Variants in AOX1 observed in about 807,000 individuals in gnomAD.
AOX1 encodes the protein aldehyde oxidase.
A neutral mutation model predicts 169.5 loss-of-function variants in AOX1; 153 were observed. The ratio of observed to expected loss-of-function variants is 0.90; its 90% CI spans 0.79 to 1.03. AOX1 has a LOEUF of 1.03. Among genes scored for constraint, AOX1 ranks in the 50% least tolerant of loss-of-function variants. The pLI is 0.00. For synonymous variants in AOX1, 562 were observed against 581.9 expected (o/e 0.97, Z 0.49); for missense variants, 1,656 against 1,663.9 (o/e 1.00, Z 0.08).
chr2:200,675,613 A>C (rs938732796), downstream of AOX1, among the ~76,000 whole-genome samples: 2 of 152,222 alleles, frequency 1.3e-5, no homozygotes, highest in East Asian at 3.9e-4. Flanking sequence ...TCAAATGTCC[A>C]AAGGTGAAGT....
At chr2:200,681,073 A>G (rs1046546319), downstream of AOX1, among the ~76,000 whole-genome samples, 1 of 152,186 alleles carries the variant, frequency 6.6e-6, no homozygotes. Context: ...AGAGAACACA[A>G]TAAAAGTAGG....
At chr2:200,679,237 A>C (rs1269685297), downstream of AOX1, 4 of 152,186 alleles carry the variant, frequency 2.6e-5, no homozygotes, top group Non-Finnish European at 5.9e-5. Flanking sequence ...ATCTAAATAC[A>C]TATTTTCTTT....
At chr2:200,663,537 T>TATACACAA (rs2035866906) in intron 31 of AOX1, among the ~76,000 whole-genome samples, 3 of 101,756 alleles carry the variant, frequency 2.9e-5, no homozygotes, top group African/African-American at 1.3e-4. Context: ...TACACACACA[T>TATACACAA]ACACACAAAC....
intron 32 of AOX1, among the ~76,000 whole-genome samples, chr2:200,668,265 C>T (rs1363153661): frequency 6.6e-6 from 1 of 151,920 alleles, no homozygotes; most frequent in Non-Finnish European, 1.5e-5. Flanking sequence ...ACCATCACAC[C>T]CAGCTAATTT....
intron 34 of AOX1, 96 bp from the exon 35 acceptor site, chr2:200,670,533 C>T: frequency 9.9e-7 from 1 of 1,014,036 alleles, no homozygotes; most frequent in African/African-American, 1.6e-5. Flanking sequence ...CCTGGTTGCC[C>T]TCTGCTGGTG....
At chr2:200,672,746 T>C (rs1019896404), downstream of AOX1, among the ~76,000 whole-genome samples, 3 of 152,066 alleles carry the variant, frequency 2.0e-5, no homozygotes, top group African/African-American at 7.2e-5. Context: ...TGGAGAGTGA[T>C]GGAGCAGGTG....
rs779992540 is a variant in AOX1, at chr2:200,668,774, C to T, written c.3769C>T (p.Gln1257Ter). 5 of 1,613,966 alleles carry T rather than the reference C, an allele frequency of 3.1e-6. No homozygotes were observed. The Admixed American group carries it at 5.0e-5, about 16-fold the overall frequency. ...ELHIALLPPS[Q>*]NSNTLYSSKG... Reference sequence around the variant, plus strand: ...GCACATTGCTTTGTTGCCTCCTTCTCAAAACTCAAATACTCTTTATTCATC... The same window carrying T: ...GCACATTGCTTTGTTGCCTCCTTCTTAAAACTCAAATACTCTTTATTCATC... Residue 1257 changes from glutamine (Q) to a stop codon, truncating the protein, a stop_gained, in exon 33 of 35, where the codon CAA becomes TAA. Coordinates refer to ENST00000374700, the MANE Select transcript of AOX1 (RefSeq NM_001159.4). LOFTEE classifies it high-confidence loss of function.
intron 4 of AOX1, among the ~76,000 whole-genome samples, chr2:200,598,464 GC>G (rs778106491): frequency 5.3e-5 from 8 of 152,228 alleles, no homozygotes; most frequent in Non-Finnish European, 8.8e-5. Flanking sequence ...CCATTTCTAG[GC>G]CAGGCGTGGT....
intron 16 of AOX1, among the ~76,000 whole-genome samples, chr2:200,617,747 A>C (rs2034794724): frequency 6.6e-6 from 1 of 152,058 alleles, no homozygotes; most frequent in African/African-American, 2.4e-5. Flanking sequence ...GGATGAAAAA[A>C]CTTCTTAGGG....
chr2:200,642,748 A>G lies in AOX1; in HGVS notation c.2794A>G (p.Thr932Ala), dbSNP rs745912681. The G allele has an allele frequency of 6.2e-7, 1 of 1,613,946 alleles. No individual in the cohort carries two copies. The highest frequency in any genetic ancestry group is 1.1e-5 in the South Asian group (1 of 91,024). The change falls in exon 25 of 35, where the codon ACC (threonine) becomes GCC (alanine). Residue 932 changes from threonine to alanine, a missense_variant. Transcript: ENST00000374700. ...GFGFPQAALI[T>A]ESCITEVAAK... ...TGGCTTTCCTCAGGCAGCGCTGATC[A>G]CCGAATCTTGTATCACGGAAGTTGC...
intron 31 of AOX1, 32 bp downstream of exon 31, chr2:200,663,001 C>A: frequency 1.3e-6 from 2 of 1,555,710 alleles, no homozygotes; most frequent in Non-Finnish European, 1.8e-6. Flanking sequence ...CTTCAAGTTG[C>A]ACTTAGGATG....
intron 3 of AOX1, among the ~76,000 whole-genome samples, chr2:200,596,682 A>T (rs2034290370): frequency 6.6e-6 from 1 of 152,208 alleles, no homozygotes; most frequent in African/African-American, 2.4e-5. Context: ...CTTCAATTTC[A>T]GGAAGAGAAT....
downstream of AOX1, chr2:200,678,458 C>T (rs2105784415): frequency 6.6e-6 from 1 of 152,186 alleles, no homozygotes; most frequent in South Asian, 2.1e-4. Flanking sequence ...ATTTGTCCTG[C>T]CAAAAGAAAG....
chr2:200,617,803 T>C (rs1298704572), intron 16 of AOX1, among the ~76,000 whole-genome samples: 2 of 152,140 alleles, frequency 1.3e-5, no homozygotes, highest in Non-Finnish European at 2.9e-5. Flanking sequence ...CAAATGTGGT[T>C]CAGGTTGAGA....
intron 18 of AOX1, among the ~76,000 whole-genome samples, chr2:200,623,196 A>G (rs901593596): frequency 1.3e-5 from 2 of 152,118 alleles, no homozygotes; most frequent in Non-Finnish European, 2.9e-5. Context: ...GACTGTTTTT[A>G]CCTTTCTCAA....
chr2:200,605,753 A>T, intron 10 of AOX1, 125 bp downstream of exon 10: 1 of 449,470 alleles, frequency 2.2e-6, no homozygotes, highest in Non-Finnish European at 3.9e-6. Context: ...TCTTCTTATA[A>T]GAATGATATG....
chr2:200,670,198 G>A (rs929157776), intron 34 of AOX1, among the ~76,000 whole-genome samples: 6 of 152,086 alleles, frequency 3.9e-5, no homozygotes, highest in South Asian at 2.1e-4. Flanking sequence ...CGCCCATGCC[G>A]AGCAGACATC....
chr2:200,624,309 G>A (rs1295315534), intron 19 of AOX1, among the ~76,000 whole-genome samples: 1 of 152,220 alleles, frequency 6.6e-6, no homozygotes, highest in African/African-American at 2.4e-5. Context: ...CTGAGATCCA[G>A]CCTAATTAAG....
chr2:200,677,292 G>A (rs2036113221), downstream of AOX1, among the ~76,000 whole-genome samples: 1 of 152,164 alleles, frequency 6.6e-6, no homozygotes, highest in African/African-American at 2.4e-5. Flanking sequence ...TGTAATGCAT[G>A]TAAAGGTGTC....
Sources: gnomAD v4.1 joint callset for allele counts (sites outside exome capture counted in the v4.1 genomes callset) on GRCh38, gnomAD v4.1.1 for gene constraint, MANE v1.5 for transcripts, NCBI Gene and HGNC (gene_info 2026-07-23, HGNC 2026-07-21) for gene names.